Variants in PRMT5 observed in about 807,000 individuals in gnomAD.
PRMT5 encodes protein arginine methyltransferase 5.
A neutral mutation model predicts 84.0 loss-of-function variants in PRMT5; 15 were observed. That is an observed-to-expected ratio of 0.18 (90% CI 0.12 to 0.28). PRMT5 has a LOEUF of 0.28. Ranked by LOEUF, PRMT5 falls within the 10% of genes least tolerant of loss-of-function variation. The pLI is 1.00. For missense variants in PRMT5, 486 were observed against 808.0 expected (o/e 0.60, Z 4.83); for synonymous variants, 276 against 292.4 (o/e 0.94, Z 0.57).
Position 22,926,529 on chromosome 14 carries a change from T to G in PRMT5, c.590A>C (p.Asp197Ala). 1 of 1,614,120 alleles carries G rather than the reference T, an allele frequency of 6.2e-7. No homozygotes were observed. Among genetic ancestry groups the G allele is most frequent in the Non-Finnish European group, 8.5e-7 (1 of 1,180,036 alleles). Residue 197 changes from aspartate (D) to alanine (A), a missense_variant, in exon 6 of 17, where the codon GAC (aspartate) becomes GCC (alanine). Around this residue, in one of 4 missense-constraint regions of PRMT5, gnomAD observed 215 missense variants for 301.1 expected, o/e 0.71. Transcript: ENST00000324366. ...MWWHNFRTLC[D>A]YSKRIAVALE... ...ACCCACTGCAATCCTCTTACTATAGTCACACAAAGTCCGGAAGTTGTGCCA... is the reference window on the plus strand; with the variant it reads ...ACCCACTGCAATCCTCTTACTATAGGCACACAAAGTCCGGAAGTTGTGCCA...
At position 22,924,380 on chromosome 14, in the gene PRMT5, C is replaced by T. The variant is rs1021630205; in HGVS notation, c.1089G>A (p.Val363=). The change falls in exon 11 of 17, where the codon GTG becomes GTA. Residue 363 remains valine (V), a synonymous_variant. Coordinates refer to ENST00000324366, the MANE Select transcript of PRMT5 (RefSeq NM_006109.5). This position sits in a 1 kb window ranked among gnomAD's most constrained non-coding sequence, Gnocchi z 6.5. ...EKDTNVQVLM[V]LGAGRGPLVN... ...CCAGGGGTCCCCGTCCTGCTCCCAG[C>T]ACCATCAGTACCCTAAGAAAGAAAG... 1.7e-5 allele frequency: 27 copies of T among 1,613,996 alleles called. No individual in the cohort carries two copies. The highest frequency in any genetic ancestry group is 2.2e-5 in the Non-Finnish European group (26 of 1,180,032).
At chr14:22,922,646 G>A (rs534866670) in intron 14 of PRMT5, 87 bp from the exon 15 acceptor site, 1 of 1,513,900 alleles carries the variant, frequency 6.6e-7, no homozygotes, top group Admixed American at 1.7e-5. Context: ...GAAAGGAAGA[G>A]TAGATAAGGC....
intron 15 of PRMT5, 86 bp downstream of exon 15, chr14:22,922,357 C>A: frequency 7.1e-7 from 1 of 1,411,214 alleles, no homozygotes; most frequent in Non-Finnish European, 1.0e-6. Flanking sequence ...CACTGGGCCC[C>A]CCATAAATCT....
At chr14:22,925,304 G>A (rs1415675045) in intron 7 of PRMT5, among the ~76,000 whole-genome samples, 4 of 151,852 alleles carry the variant, frequency 2.6e-5, no homozygotes, top group East Asian at 1.9e-4. Context: ...CTACAGGTGC[G>A]TGCCACCATG....
chr14:22,924,325 C>A lies in PRMT5; in HGVS notation c.1144G>T (p.Ala382Ser). ...GCATACAGCTTTATCCGCCGGTCGG[C>A]CTGCTTGGCTGCCCGCAGGGAAGCG... ...VNASLRAAKQ[A>S]DRRIKLYAVE... The change falls in exon 11 of 17, where the codon GCC becomes TCC. Residue 382 changes from alanine to serine, a missense_variant. Physicochemically the swap from Ala to Ser is moderately conservative, Grantham distance 99. Transcript: ENST00000324366. The surrounding 1 kb of genome is among the most constrained non-coding windows in gnomAD (Gnocchi z 6.5). 3 of 1,614,158 alleles carry A rather than the reference C, an allele frequency of 1.9e-6. No homozygotes were observed. Among genetic ancestry groups the A allele is most frequent in the Non-Finnish European group, 2.5e-6 (3 of 1,180,040 alleles).
chr14:22,924,721 G>T lies in PRMT5; in HGVS notation c.940-12C>A. ...TTGTCCATCAGTGGCTGATGAATGA[G>T]GAAAAGGACAAAGTTAGCCAGTTTC... On this transcript the variant is annotated splice_polypyrimidine_tract_variant and intron_variant, in intron 8 of 16. Transcript: ENST00000324366. The surrounding 1 kb of genome is among the most constrained non-coding windows in gnomAD (Gnocchi z 6.5). 1 of 1,612,824 alleles carries T rather than the reference G, an allele frequency of 6.2e-7. No individual in the cohort carries two copies. Among genetic ancestry groups the T allele is most frequent in the Non-Finnish European group, 8.5e-7 (1 of 1,179,206 alleles).
In PRMT5 at chr14:22,923,938, C is replaced by G; in HGVS notation, c.1375+70G>C. ...AGGTCCAACCCACTTTCCCCTAAAC[C>G]CTGTACCCTCCTCCCAGGTTGCTGT... On this transcript the variant is annotated intron_variant, in intron 12 of 16. Transcript: ENST00000324366. The surrounding 1 kb of genome is among the most constrained non-coding windows in gnomAD (Gnocchi z 5.2). 2.7e-6 allele frequency: 4 copies of G among 1,503,498 alleles called. No individual in the cohort carries two copies. The highest frequency in any genetic ancestry group is 3.6e-6 in the Non-Finnish European group (4 of 1,126,594). 93.1% of individuals were successfully genotyped at this position (1,503,498 alleles called of 1,614,324 possible).
At position 22,926,757 on chromosome 14, in the gene PRMT5, T is replaced by G. The variant is rs2044429476; in HGVS notation, c.508A>C (p.Asn170His). 1 of 1,614,004 alleles carries G rather than the reference T, an allele frequency of 6.2e-7. No individual in the cohort carries two copies. Among genetic ancestry groups the G allele is most frequent in the African/African-American group, 1.3e-5 (1 of 74,890 alleles). ...TCCTCTGTGTGTGTAGTTGGTGCAT[T>G]CTCAATTATATCATCTCTCAGGTCC... ...PEDLRDDIIE[N>H]APTTHTEEYS... Residue 170 changes from asparagine (N) to histidine (H), a missense_variant, in exon 5 of 17, where the codon AAT becomes CAT. Physicochemically the swap from Asn to His is moderately conservative, Grantham distance 68. Around this residue, in one of 4 missense-constraint regions of PRMT5, gnomAD observed 215 missense variants for 301.1 expected, o/e 0.71. Coordinates refer to ENST00000324366, the MANE Select transcript of PRMT5 (RefSeq NM_006109.5).
chr14:22,926,038 A>C, intron 7 of PRMT5, 95 bp downstream of exon 7: 1 of 1,331,748 alleles, frequency 7.5e-7, no homozygotes, highest in Non-Finnish European at 1.0e-6. Flanking sequence ...GAAACCAAAG[A>C]AAAAGAGTCA....
chr14:22,926,361 C>T lies in PRMT5; in HGVS notation c.614-65G>A, dbSNP rs1299158533. 85 of 1,599,558 alleles carry T rather than the reference C, an allele frequency of 5.3e-5. No homozygotes were observed. In the South Asian group the frequency reaches 5.3e-4, roughly 10 times the overall value. ...CAAGAAACCCTTCCTTGCTCCTTTG[C>T]GCAAAATCTGTTTACTTCTTTAAGA... On this transcript the variant is annotated intron_variant, in intron 6 of 16. Coordinates refer to ENST00000324366, the MANE Select transcript of PRMT5 (RefSeq NM_006109.5).
In PRMT5 at chr14:22,920,696, CT is replaced by C; in HGVS notation, c.*207del. 1.3e-6 allele frequency: 1 copy of C among 761,242 alleles called. No homozygotes were observed. The highest frequency in any genetic ancestry group is 2.3e-6 in the Non-Finnish European group (1 of 427,510). The allele number at this position is 761,242 out of a possible 1,614,324, so 47.2% of individuals were successfully genotyped here. On this transcript the variant is annotated 3_prime_UTR_variant, in exon 17 of 17. Transcript: ENST00000324366. ...AAATCCAGCACTAATTCCTCACCCCCTGGCCTGAGGTCTTCATAGATTGGTG... is the reference window on the plus strand; with the variant it reads ...AAATCCAGCACTAATTCCTCACCCCCGGCCTGAGGTCTTCATAGATTGGTG...
intron 16 of PRMT5, 42 bp downstream of exon 16, chr14:22,922,134 A>G: frequency 1.3e-6 from 2 of 1,491,462 alleles, no homozygotes; most frequent in South Asian, 1.1e-5. Flanking sequence ...ACCAAAGGCA[A>G]AGGTTACTGC....
chr14:22,922,356 C>T (rs905878132), intron 15 of PRMT5, 87 bp downstream of exon 15: 2 of 1,405,806 alleles, frequency 1.4e-6, no homozygotes, highest in Admixed American at 1.7e-5. Flanking sequence ...GCACTGGGCC[C>T]CCCATAAATC....
chr14:22,927,911 G>A (rs920957334), intron 3 of PRMT5, among the ~76,000 whole-genome samples: 12 of 151,990 alleles, frequency 7.9e-5, no homozygotes, highest in Admixed American at 1.3e-4. Flanking sequence ...GTTTCACTAC[G>A]CTGCCCAGGC....
chr14:22,924,720 A>T lies in PRMT5; in HGVS notation c.940-11T>A. On this transcript the variant is annotated splice_polypyrimidine_tract_variant and intron_variant, in intron 8 of 16. Coordinates refer to ENST00000324366, the MANE Select transcript of PRMT5 (RefSeq NM_006109.5). This position sits in a 1 kb window ranked among gnomAD's most constrained non-coding sequence, Gnocchi z 6.5. ...ATTGTCCATCAGTGGCTGATGAATG[A>T]GGAAAAGGACAAAGTTAGCCAGTTT... is the stretch of plus-strand genomic sequence containing the variant. The T allele has an allele frequency of 6.2e-7, 1 of 1,613,192 alleles. No individual in the cohort carries two copies. Among genetic ancestry groups the T allele is most frequent in the Non-Finnish European group, 8.5e-7 (1 of 1,179,374 alleles).
Position 22,924,511 on chromosome 14 carries a change from T to G in PRMT5, c.1044A>C (p.Arg348=). 6.2e-7 allele frequency: 1 copy of G among 1,614,160 alleles called. No homozygotes were observed. Among genetic ancestry groups the G allele is most frequent in the Non-Finnish European group, 8.5e-7 (1 of 1,179,998 alleles). ...TGGTATCCTTCTCCTCTTCTGGTACTCGGTCTAGCAGACATTTATAGATGG... is the reference window on the plus strand; with the variant it reads ...TGGTATCCTTCTCCTCTTCTGGTACGCGGTCTAGCAGACATTTATAGATGG... The part of the protein sequence containing the change: ...QQAIYKCLLD[R]VPEEEKDTNV... The change falls in exon 10 of 17, where the codon CGA becomes CGC. Residue 348 remains arginine, a synonymous_variant. Transcript: ENST00000324366. The surrounding 1 kb of genome is among the most constrained non-coding windows in gnomAD (Gnocchi z 6.5).
In PRMT5 at chr14:22,923,915, G is replaced by C; in HGVS notation, c.1375+93C>G. On this transcript the variant is annotated intron_variant, in intron 12 of 16. Coordinates refer to ENST00000324366, the MANE Select transcript of PRMT5 (RefSeq NM_006109.5). This position sits in a 1 kb window ranked among gnomAD's most constrained non-coding sequence, Gnocchi z 5.2. ...CTCAAACTCATATGATGTGACCCAGGTCCAACCCACTTTCCCCTAAACCCT... is the reference window on the plus strand; with the variant it reads ...CTCAAACTCATATGATGTGACCCAGCTCCAACCCACTTTCCCCTAAACCCT... The C allele has an allele frequency of 7.0e-7, 1 of 1,421,912 alleles. No individual in the cohort carries two copies. The highest frequency in any genetic ancestry group is 1.4e-5 in the African/African-American group (1 of 69,852). The allele number at this position is 1,421,912 out of a possible 1,614,324, so 88.1% of individuals were successfully genotyped here.
intron 4 of PRMT5, 81 bp downstream of exon 4, chr14:22,927,445 C>G: frequency 6.4e-7 from 1 of 1,569,688 alleles, no homozygotes; most frequent in South Asian, 1.1e-5. Flanking sequence ...ACACCCTTCA[C>G]TGAATGGCTA....
chr14:22,922,285 G>C (rs1374300860), intron 15 of PRMT5, 45 bp from the exon 16 acceptor site: 1 of 1,525,518 alleles, frequency 6.6e-7, no homozygotes, highest in Admixed American at 1.7e-5. Flanking sequence ...CCATGGCTGT[G>C]ACTTTTGCCT....
Sources: gnomAD v4.1 joint callset for allele counts (sites outside exome capture counted in the v4.1 genomes callset) on GRCh38, gnomAD v4.1.1 for gene constraint, gnomAD v4.1.1 regional missense constraint, Gnocchi (gnomAD v3.1) non-coding constraint, MANE v1.5 for transcripts, NCBI Gene and HGNC (gene_info 2026-07-23, HGNC 2026-07-21) for gene names.